Variants in DERL3 observed in about 807,000 individuals in gnomAD.
DERL3 encodes the protein derlin 3.
In DERL3, 20 loss-of-function variants were observed where a neutral mutation model predicts 23.8. The observed-to-expected ratio is 0.84, with a 90% CI of 0.59 to 1.22. The LOEUF is 1.22. DERL3 is among the 50% of genes most tolerant of loss of function. DERL3 has a pLI of 0.00. For missense variants in DERL3, 319 were observed against 304.1 expected (o/e 1.05, Z -0.36); for synonymous variants, 145 against 132.5 (o/e 1.09, Z -0.65).
chr22:23,838,991 A>C lies in DERL3; in HGVS notation c.-4T>G. 6.4e-7 allele frequency: 1 copy of C among 1,567,892 alleles called. No homozygotes were observed. The highest frequency in any genetic ancestry group is 1.3e-5 in the African/African-American group (1 of 74,166). On this transcript the variant is annotated 5_prime_UTR_variant, in exon 1 of 7. Transcript: ENST00000318109. ...CCGCTAGTCCCTGCCACGCCATTGAACCTTCTCAAGCACGCGTGGCCCAGC... is the reference window on the plus strand; with the variant it reads ...CCGCTAGTCCCTGCCACGCCATTGACCCTTCTCAAGCACGCGTGGCCCAGC...
chr22:23,834,968 G>A lies in DERL3; in HGVS notation c.*1901C>T. ...CCCAGTCCTGTGTGGGCACTGCTGG[G>A]CTGTCGCCAGCCTGGGTGCAGGAGG... On this transcript the variant is annotated 3_prime_UTR_variant, in exon 7 of 7. Coordinates refer to ENST00000318109, the MANE Select transcript of DERL3 (RefSeq NM_001002862.3). 2 of 1,554,318 alleles carry A rather than the reference G, an allele frequency of 1.3e-6. No homozygotes were observed. Among genetic ancestry groups the A allele is most frequent in the East Asian group, 4.6e-5 (2 of 43,382 alleles).
In DERL3 at chr22:23,837,153, C is replaced by T; in HGVS notation, c.525G>A (p.Gly175=). 1 of 1,613,864 alleles carries T rather than the reference C, an allele frequency of 6.2e-7. No homozygotes were observed. Among genetic ancestry groups the T allele is most frequent in the Non-Finnish European group, 8.5e-7 (1 of 1,179,890 alleles). ...AGTAGTAGATATGGCCCACCGCAATCCCTGTGAGACAGCCACGGACTGTGG... is the reference window on the plus strand; with the variant it reads ...AGTAGTAGATATGGCCCACCGCAATTCCTGTGAGACAGCCACGGACTGTGG... ...LGNSILVDLL[G]IAVGHIYYFL... Residue 175 remains glycine, a splice_region_variant and synonymous_variant, in exon 6 of 7, where the codon GGG becomes GGA. Coordinates refer to ENST00000318109, the MANE Select transcript of DERL3 (RefSeq NM_001002862.3).
chr22:23,838,494 CG>C (rs1568970691), intron 3 of DERL3, 49 bp from the exon 4 acceptor site: 1 of 1,573,944 alleles, frequency 6.4e-7, no homozygotes, highest in South Asian at 1.2e-5. Context: ...TCAGTTTCCC[CG>C]TCCCGGCCTC....
chr22:23,837,785 T>G lies in DERL3; in HGVS notation c.397A>C (p.Ser133Arg), dbSNP rs1276996283. Residue 133 changes from serine to arginine, a missense_variant, in exon 5 of 7, where the codon AGC becomes CGC. Coordinates refer to ENST00000318109, the MANE Select transcript of DERL3 (RefSeq NM_001002862.3). ...ALMAMLVYVW[S>R]RRSPRVRVNF... ...ACCCTCACCCGAGGGCTGCGGCGGC[T>G]CCACACGTACACCAGCATGGCCATG... 2.5e-6 allele frequency: 4 copies of G among 1,613,710 alleles called. No homozygotes were observed. In the East Asian group the frequency reaches 8.9e-5, roughly 36 times the overall value.
At position 23,834,696 on chromosome 22, in the gene DERL3, A is replaced by G; in HGVS notation, c.*2173T>C. The G allele has an allele frequency of 1.6e-6, 2 of 1,276,892 alleles. No individual in the cohort carries two copies. Among genetic ancestry groups the G allele is most frequent in the Non-Finnish European group, 1.1e-6 (1 of 942,948 alleles). The allele number at this position is 1,276,892 out of a possible 1,614,324, so 79.1% of individuals were successfully genotyped here. A position where few individuals can be genotyped will look rare whatever the true frequency, so the allele number is the denominator to read the frequency against. On this transcript the variant is annotated 3_prime_UTR_variant, in exon 7 of 7. Transcript: ENST00000318109. Reference sequence around the variant, plus strand: ...TGAATGGGGCTCCGGGTAGCACCTCAGCTCCTCTCAGCTCCCCTCAGCCTG... The same window carrying G: ...TGAATGGGGCTCCGGGTAGCACCTCGGCTCCTCTCAGCTCCCCTCAGCCTG...
intron 4 of DERL3, 120 bp downstream of exon 4, chr22:23,838,232 T>C: frequency 1.9e-6 from 3 of 1,550,194 alleles, no homozygotes; most frequent in South Asian, 2.4e-5. Context: ...CCTCAACACA[T>C]ACTAAGCTGG....
In DERL3 at chr22:23,836,914, G is replaced by A; in HGVS notation, c.663C>T (p.Leu221=). The A allele has an allele frequency of 6.5e-7, 1 of 1,532,126 alleles. No individual in the cohort carries two copies. The highest frequency in any genetic ancestry group is 8.8e-7 in the Non-Finnish European group (1 of 1,141,038). The allele number at this position is 1,532,126 out of a possible 1,614,324, so 94.9% of individuals were successfully genotyped here. The change falls in exon 7 of 7, where the codon CTC becomes CTT. Residue 221 remains leucine, a synonymous_variant. Coordinates refer to ENST00000318109, the MANE Select transcript of DERL3 (RefSeq NM_001002862.3). ...APAEDPNYLP[L]PEEQPGPHLP... ...GATGGGGTCCTGGCTGTTCCTCAGG[G>A]AGGGGCAGGTAATTGGGGTCTTCTG...
At position 23,836,253 on chromosome 22, in the gene DERL3, C is replaced by A. The variant is rs879218692; in HGVS notation, c.*616G>T. 9.1e-6 allele frequency: 9 copies of A among 985,372 alleles called. No homozygotes were observed. The Admixed American group carries it at 5.5e-4, about 61-fold the overall frequency. 61.0% of individuals were successfully genotyped at this position (985,372 alleles called of 1,614,324 possible). On this transcript the variant is annotated 3_prime_UTR_variant, in exon 7 of 7. Coordinates refer to ENST00000318109, the MANE Select transcript of DERL3 (RefSeq NM_001002862.3). ...TCCTGGCCCTCTTCTGCACCTGAAT[C>A]CATGGGGCTTTGGCATCACCAGATG...
intron 4 of DERL3, 157 bp downstream of exon 4, chr22:23,838,195 A>AC: frequency 6.5e-7 from 1 of 1,547,022 alleles, no homozygotes. Context: ...TCTAGCCCTG[A>AC]CCCCTGCAGC....
chr22:23,837,643 G>A lies in DERL3; in HGVS notation c.523+16C>T, dbSNP rs780285452. ...GTGGCCAGCCTGGGGCGGACTAGAT[G>A]TACCGGGAGGCTCACCCAGCAGGTC... is the stretch of plus-strand genomic sequence containing the variant. On this transcript the variant is annotated intron_variant, in intron 5 of 6. Coordinates refer to ENST00000318109, the MANE Select transcript of DERL3 (RefSeq NM_001002862.3). The A allele has an allele frequency of 1.9e-6, 3 of 1,609,226 alleles. No individual in the cohort carries two copies. The highest frequency in any genetic ancestry group is 2.2e-5 in the East Asian group (1 of 44,818).
rs1272605262 is a variant in DERL3 at position 23,838,869 on chromosome 22, G to A, written c.93+26C>T. 34 of 1,551,792 alleles carry A rather than the reference G, an allele frequency of 2.2e-5. 1 individual carries two copies. In the South Asian group the frequency reaches 4.0e-4, roughly 18 times the overall value. On this transcript the variant is annotated intron_variant, in intron 1 of 6. Transcript: ENST00000318109. ...TCCCGCCAGAGGCTGTAACCAAGGC[G>A]ACGTCCGGTCCGCCCGGCCGCTTAC...
At chr22:23,837,455 G>C (rs998962175) in intron 5 of DERL3, 1 of 660,652 alleles carries the variant, frequency 1.5e-6, no homozygotes, top group Non-Finnish European at 2.6e-6. Context: ...AGCATCAGTA[G>C]ATCCGTCCTG....
intron 4 of DERL3, chr22:23,838,134 C>T (rs1293200592): frequency 6.6e-7 from 1 of 1,525,140 alleles, no homozygotes; most frequent in African/African-American, 1.4e-5. Flanking sequence ...CCCTGACAAC[C>T]CACCTGGCTC....
Position 23,836,967 on chromosome 22 carries a change from G to C in DERL3, c.615-5C>G, listed in dbSNP as rs2031099081. 1 of 1,601,102 alleles carries C rather than the reference G, an allele frequency of 6.2e-7. No individual in the cohort carries two copies. The highest frequency in any genetic ancestry group is 1.7e-4 in the Middle Eastern group (1 of 5,988). On this transcript the variant is annotated splice_region_variant and splice_polypyrimidine_tract_variant and intron_variant, in intron 6 of 6. Coordinates refer to ENST00000318109, the MANE Select transcript of DERL3 (RefSeq NM_001002862.3). ...GGGGCATCCAGGAGCAGCTTTCTGT[G>C]GGGAGGGGCCCGTGTTGAGCACAGG...
chr22:23,837,736 A>G lies in DERL3; in HGVS notation c.446T>C (p.Phe149Ser), dbSNP rs2031203907. The G allele has an allele frequency of 6.2e-7, 1 of 1,613,902 alleles. No individual in the cohort carries two copies. The highest frequency in any genetic ancestry group is 1.3e-5 in the African/African-American group (1 of 74,928). Residue 149 changes from phenylalanine (F) to serine (S), a missense_variant, in exon 5 of 7, where the codon TTC becomes TCC. Transcript: ENST00000318109. ...VRVNFFGLLTFQAPFLPWALM... is the reference protein window; with the variant it reads ...VRVNFFGLLTSQAPFLPWALM... ...CGCCCAAGGCAGGAACGGTGCCTGG[A>G]AAGTGAGCAGGCCGAAGAAGTTGAC...
intron 4 of DERL3, chr22:23,838,064 C>T: frequency 1.4e-6 from 2 of 1,459,604 alleles, no homozygotes; most frequent in Non-Finnish European, 1.8e-6. Context: ...CAGGGCCCAA[C>T]CACTGCCTGT....
intron 4 of DERL3, 147 bp from the exon 5 acceptor site, chr22:23,838,001 T>A: frequency 8.0e-7 from 1 of 1,245,246 alleles, no homozygotes; most frequent in Non-Finnish European, 1.1e-6. Context: ...GGCGACACAC[T>A]CCACGGGCTT....
At chr22:23,838,840 C>G (rs892213917) in intron 1 of DERL3, 55 bp downstream of exon 1, 61 of 1,550,746 alleles carry the variant, frequency 3.9e-5, no homozygotes, top group Non-Finnish European at 5.1e-5. Flanking sequence ...GCGACCCTCA[C>G]CCCTCCCGCC....
rs2030887637 is a variant in DERL3 at position 23,834,592 on chromosome 22, A to G, written c.*2277T>C. The G allele has an allele frequency of 5.6e-6, 4 of 712,250 alleles. No homozygotes were observed. Among genetic ancestry groups the G allele is most frequent in the Non-Finnish European group, 1.0e-5 (4 of 398,810 alleles). 44.1% of individuals were successfully genotyped at this position (712,250 alleles called of 1,614,324 possible). On this transcript the variant is annotated 3_prime_UTR_variant, in exon 7 of 7. Transcript: ENST00000318109. ...AGGAGTGGGGCCGGGGCCTGGGGGG[A>G]CGAAGGTGGTATGTGAACAAGGTTG...
Sources: allele counts gnomAD v4.1 joint callset, GRCh38; gene constraint gnomAD v4.1.1; transcripts MANE v1.5; gene names NCBI Gene and HGNC (gene_info 2026-07-23, HGNC 2026-07-21).